The following SLC71A1 variants were observed in gnomAD, a reference collection of about 807,000 sequenced individuals.
The protein encoded by SLC71A1 is solute carrier family 71 member 1, also known as hippocampus abundant gene transcript 1.
At chr1:100,066,200 A>T in the SLC71A1 span, among the ~76,000 whole-genome samples, 1 of 152,200 alleles carries the variant, frequency 6.6e-6, no homozygotes, top group Non-Finnish European at 1.5e-5. Context: ...AACTAAAAAG[A>T]TTACCAAGCT....
At chr1:100,059,144 G>GTTTTTTTTTTTTTTTTT in the SLC71A1 span, among the ~76,000 whole-genome samples, 35 of 75,424 alleles carry the variant, frequency 4.6e-4, 5 homozygotes, top group African/African-American at 1.5e-3. Flanking sequence ...TCTTTTTCGT[G>GTTTTTTTTTTTTTTTTT]TTTTTTTTTT....
At chr1:100,077,971 T>C in the SLC71A1 span, among the ~76,000 whole-genome samples, 37 of 152,192 alleles carry the variant, frequency 2.4e-4, no homozygotes, top group Admixed American at 6.5e-4. Flanking sequence ...ACAATTGAAA[T>C]TACCTAAAAC....
At chr1:100,054,734 T>G in the SLC71A1 span, among the ~76,000 whole-genome samples, 2 of 152,220 alleles carry the variant, frequency 1.3e-5, no homozygotes, top group African/African-American at 2.4e-5. Flanking sequence ...AAAGTTAAGA[T>G]CCATAAAATT....
the SLC71A1 span, among the ~76,000 whole-genome samples, chr1:100,057,820 C>G: frequency 6.6e-6 from 1 of 152,138 alleles, no homozygotes; most frequent in African/African-American, 2.4e-5. Context: ...AAGGGAAGAC[C>G]TTCCCTACCT....
chr1:100,072,252 C>T, the SLC71A1 span, among the ~76,000 whole-genome samples: 52 of 152,296 alleles, frequency 3.4e-4, no homozygotes, highest in Non-Finnish European at 6.0e-4. Flanking sequence ...TCCAGCAGCA[C>T]GGAGCTGCTA....
At chr1:100,049,888 A>T in the SLC71A1 span, 37 of 1,381,922 alleles carry the variant, frequency 2.7e-5, no homozygotes, top group Admixed American at 7.6e-4. Context: ...TTAACTTTTT[A>T]AAAAATCTTG....
chr1:100,082,337 C>A, the SLC71A1 span: 1 of 714,196 alleles, frequency 1.4e-6, no homozygotes, highest in Non-Finnish European at 2.3e-6. Context: ...TCTGCATGAA[C>A]TCCGTGGGAA....
the SLC71A1 span, among the ~76,000 whole-genome samples, chr1:100,066,352 G>T: frequency 6.6e-6 from 1 of 152,162 alleles, no homozygotes; most frequent in Non-Finnish European, 1.5e-5. Flanking sequence ...AGTGAAATTG[G>T]ATTTCCTTAG....
At chr1:100,058,576 G>A in the SLC71A1 span, 1 of 721,114 alleles carries the variant, frequency 1.4e-6, no homozygotes, top group Non-Finnish European at 2.5e-6. Context: ...TCAGATTGTA[G>A]TATGAATGGA....
At chr1:100,082,453 T>A in the SLC71A1 span, 4 of 502,160 alleles carry the variant, frequency 8.0e-6, no homozygotes, top group Non-Finnish European at 1.4e-5. Flanking sequence ...CTAAGCTATT[T>A]GTTTTATTAT....
chr1:100,053,938 A>G, the SLC71A1 span, among the ~76,000 whole-genome samples: 1 of 152,010 alleles, frequency 6.6e-6, no homozygotes, highest in South Asian at 2.1e-4. Flanking sequence ...ATCAGTGATT[A>G]TTGCTTGATT....
At chr1:100,072,374 A>AT in the SLC71A1 span, among the ~76,000 whole-genome samples, 861 of 152,220 alleles carry the variant, frequency 5.7e-3, 4 homozygotes, top group Admixed American at 0.01. Context: ...CTGGGTCCCC[A>AT]TGCTCATGTG....
chr1:100,058,842 G>T, the SLC71A1 span: 1 of 534,682 alleles, frequency 1.9e-6, no homozygotes, highest in Non-Finnish European at 3.4e-6. Context: ...TTTGTTTACT[G>T]ATTAATAACT....
chr1:100,044,897 G>T, the SLC71A1 span, among the ~76,000 whole-genome samples: 2 of 152,158 alleles, frequency 1.3e-5, no homozygotes, highest in African/African-American at 2.4e-5. Context: ...TGCGGTTTTG[G>T]TAACTGTAGC....
At chr1:100,072,294 T>C in the SLC71A1 span, among the ~76,000 whole-genome samples, 10 of 152,240 alleles carry the variant, frequency 6.6e-5, no homozygotes, top group Non-Finnish European at 1.0e-4. Context: ...TTTGCTTTAT[T>C]TCTTACCCAC....
the SLC71A1 span, chr1:100,079,290 AAAAAG>A: frequency 1.3e-5 from 2 of 152,140 alleles, no homozygotes; most frequent in African/African-American, 2.4e-5. Flanking sequence ...ATAAAAAAAA[AAAAAG>A]AAATCATATA....
the SLC71A1 span, chr1:100,078,573 ATTAT>A: frequency 1.3e-6 from 2 of 1,484,120 alleles, no homozygotes; most frequent in Non-Finnish European, 1.9e-6. Context: ...ACTAGCGATA[ATTAT>A]TTAAAAGTAC....
chr1:100,040,340 A>C, the SLC71A1 span, among the ~76,000 whole-genome samples: 1 of 152,222 alleles, frequency 6.6e-6, no homozygotes, highest in African/African-American at 2.4e-5. Flanking sequence ...TTTGTATTTT[A>C]ATCCATCCCA....
At chr1:100,069,641 G>A in the SLC71A1 span, 1 of 1,612,470 alleles carries the variant, frequency 6.2e-7, no homozygotes, top group Admixed American at 1.7e-5. Context: ...AGAAAGTGTT[G>A]CAGCGTTTAT....
Sources: allele counts gnomAD v4.1 joint callset (sites outside exome capture counted in the v4.1 genomes callset), GRCh38; gene constraint gnomAD v4.1.1; transcripts MANE v1.5; gene names NCBI Gene and HGNC (gene_info 2026-07-23, HGNC 2026-07-21).